Variants in CNTN3 observed in about 807,000 individuals in gnomAD.
The protein encoded by CNTN3 is contactin-3.
In CNTN3, 60 loss-of-function variants were observed where a neutral mutation model predicts 119.1. The observed-to-expected ratio is 0.50, with a 90% CI of 0.41 to 0.62. CNTN3 has a LOEUF of 0.62. Among genes scored for constraint, CNTN3 ranks in the 20% least tolerant of loss-of-function variants. The pLI is 0.00. For synonymous variants in CNTN3, 450 were observed against 438.7 expected (o/e 1.03, Z -0.32); for missense variants, 1,101 against 1,242.4 (o/e 0.89, Z 1.71).
chr3:74,266,623 A>G lies in CNTN3; in HGVS notation c.2844T>C (p.Asn948=), dbSNP rs147997730. The change falls in exon 22 of 23, where the codon AAT becomes AAC. Residue 948 remains asparagine, a synonymous_variant. Coordinates refer to ENST00000263665, the MANE Select transcript of CNTN3 (RefSeq NM_020872.3). ...TATTTGTGTTCAGTACTTGTACGTT[A>G]TTTTGACTGCTAGTCCTATAGAAAA... is the stretch of plus-strand genomic sequence containing the variant. ...YKVFYRTSSQ[N]NVQVLNTNKT... 51 of 1,613,366 alleles carry G rather than the reference A, an allele frequency of 3.2e-5. No homozygotes were observed. Among genetic ancestry groups the G allele is most frequent in the Non-Finnish European group, 4.2e-5 (49 of 1,179,476 alleles).
rs180969713 is a variant in CNTN3, at chr3:74,348,289, A to G, written c.1365-11631T>C. On this transcript the variant is annotated intron_variant, in intron 11 of 22. Transcript: ENST00000263665. Reference sequence around the variant, plus strand: ...CTTCACAATGTATACATATATCAAAATATTACCTTCTGCTCCTTAAATATA... The same window carrying G: ...CTTCACAATGTATACATATATCAAAGTATTACCTTCTGCTCCTTAAATATA... 5.4e-3 allele frequency among the ~76,000 whole-genome samples: 818 copies of G among 152,316 alleles called. 5 individuals are homozygous for G. Among genetic ancestry groups the G allele is most frequent in the African/African-American group, 0.019 (789 of 41,560 alleles).
intron 11 of CNTN3, among the ~76,000 whole-genome samples, chr3:74,358,604 T>TATTG (rs1170622672): frequency 6.7e-6 from 1 of 150,038 alleles, no homozygotes; most frequent in African/African-American, 2.5e-5. Context: ...TTGATTTATT[T>TATTG]ATTTATTTAT....
chr3:74,375,004 A>T (rs1704444533), intron 5 of CNTN3, among the ~76,000 whole-genome samples: 1 of 152,184 alleles, frequency 6.6e-6, no homozygotes, highest in Non-Finnish European at 1.5e-5. Flanking sequence ...AAGCCATTTT[A>T]AAAAATGGTT....
At chr3:74,533,066 G>A (rs549853455) in intron 1 of CNTN3, among the ~76,000 whole-genome samples, 44 of 151,996 alleles carry the variant, frequency 2.9e-4, no homozygotes, top group African/African-American at 4.1e-4. Flanking sequence ...CATCAGGCTC[G>A]TCTTGGAGGC....
intron 1 of CNTN3, among the ~76,000 whole-genome samples, chr3:74,579,509 A>T (rs1361518411): frequency 1.3e-5 from 2 of 152,124 alleles, no homozygotes; most frequent in African/African-American, 4.8e-5. Flanking sequence ...ACCAAGACAG[A>T]TCATGTTTTG....
chr3:74,374,819 T>C (rs943250879), intron 5 of CNTN3, among the ~76,000 whole-genome samples: 3 of 152,178 alleles, frequency 2.0e-5, no homozygotes, highest in African/African-American at 7.2e-5. Context: ...TTCTGCATCC[T>C]TCATTTAGGA....
At position 74,427,896 on chromosome 3, in the gene CNTN3, C is replaced by T. The variant is rs76919824; in HGVS notation, c.359-2956G>A. ...ATGAAAAAGAAAAAAAATGCAGAGG[C>T]ATAAATAAATGGAGACACATACTAT... is the stretch of plus-strand genomic sequence containing the variant. On this transcript the variant is annotated intron_variant, in intron 4 of 22. Transcript: ENST00000263665. 2.1e-3 allele frequency among the ~76,000 whole-genome samples: 323 copies of T among 152,076 alleles called. 1 individual carries two copies. Among genetic ancestry groups the T allele is most frequent in the African/African-American group, 7.4e-3 (307 of 41,492 alleles).
intron 2 of CNTN3, among the ~76,000 whole-genome samples, chr3:74,505,528 A>AC (rs1281330870): frequency 7.6e-6 from 1 of 131,768 alleles, no homozygotes; most frequent in African/African-American, 2.7e-5. Context: ...CACACACCAC[A>AC]CATACACACA....
At position 74,504,334 on chromosome 3, in the gene CNTN3, C is replaced by A. The variant is rs572169549; in HGVS notation, c.56-4549G>T. ...TAGAAAGGAATATTCCGTGCACTTA[C>A]AAGGCATCAATCCCAAACAGAATGA... On this transcript the variant is annotated intron_variant, in intron 2 of 22. Coordinates refer to ENST00000263665, the MANE Select transcript of CNTN3 (RefSeq NM_020872.3). 1.1e-4 allele frequency among the ~76,000 whole-genome samples: 16 copies of A among 152,242 alleles called. No individual in the cohort carries two copies. The South Asian group carries it at 3.3e-3, about 32-fold the overall frequency.
At chr3:74,435,884 C>A (rs1177084690) in intron 4 of CNTN3, among the ~76,000 whole-genome samples, 3 of 152,048 alleles carry the variant, frequency 2.0e-5, no homozygotes, top group African/African-American at 7.2e-5. Flanking sequence ...CGCTGGTCTC[C>A]CCGCCTGCAG....
intron 2 of CNTN3, among the ~76,000 whole-genome samples, chr3:74,520,746 A>G (rs1195910808): frequency 6.6e-6 from 1 of 150,840 alleles, no homozygotes; most frequent in East Asian, 1.9e-4. Flanking sequence ...GTTCCTTTGG[A>G]AAAAAAATGT....
chr3:74,302,841 T>A, intron 13 of CNTN3, 34 bp from the exon 14 acceptor site: 1 of 1,376,450 alleles, frequency 7.3e-7, no homozygotes. Context: ...TACACTGTTA[T>A]TTTTTTAAAA....
chr3:74,564,879 A>G (rs1704204447), intron 1 of CNTN3, among the ~76,000 whole-genome samples: 1 of 152,122 alleles, frequency 6.6e-6, no homozygotes, highest in African/African-American at 2.4e-5. Flanking sequence ...ACATCGTGGA[A>G]CAATGAAATG....
intron 1 of CNTN3, among the ~76,000 whole-genome samples, chr3:74,525,727 T>C (rs1378175129): frequency 6.6e-6 from 1 of 151,876 alleles, no homozygotes; most frequent in Non-Finnish European, 1.5e-5. Context: ...CCCCCAAATT[T>C]AATGCATATT....
Position 74,499,649 on chromosome 3 carries a change from T to C in CNTN3, c.182+10A>G, listed in dbSNP as rs1429811059. ...TTTTTTTATTTGAATTTTCAAACTT[T>C]TCACTGTACCTGTAATGAGGTGATG... is the stretch of plus-strand genomic sequence containing the variant. On this transcript the variant is annotated intron_variant, in intron 3 of 22. Transcript: ENST00000263665. 6.3e-7 allele frequency: 1 copy of C among 1,586,362 alleles called. No individual in the cohort carries two copies. Among genetic ancestry groups the C allele is most frequent in the South Asian group, 1.2e-5 (1 of 85,696 alleles).
At chr3:74,398,883 A>G (rs1163496671) in intron 5 of CNTN3, among the ~76,000 whole-genome samples, 2 of 152,132 alleles carry the variant, frequency 1.3e-5, no homozygotes, top group Admixed American at 1.3e-4. Context: ...ATTAAGAAAA[A>G]CTGTTTAATT....
chr3:74,547,373 C>T (rs1199099711), intron 1 of CNTN3, among the ~76,000 whole-genome samples: 1 of 152,130 alleles, frequency 6.6e-6, no homozygotes. Context: ...CGTCAGGTAA[C>T]ACACATACAC....
intron 3 of CNTN3, among the ~76,000 whole-genome samples, chr3:74,491,326 C>A (rs531547034): frequency 6.1e-5 from 8 of 130,134 alleles, no homozygotes; most frequent in African/African-American, 2.1e-4. Context: ...CACGGAGAAA[C>A]CATCTTTACA....
At chr3:74,588,945 A>G (rs1025447827) in intron 1 of CNTN3, among the ~76,000 whole-genome samples, 1 of 152,176 alleles carries the variant, frequency 6.6e-6, no homozygotes, top group Non-Finnish European at 1.5e-5. Flanking sequence ...CACCTTATAC[A>G]AAAACTAATT....
Sources: gnomAD v4.1 joint callset for allele counts (sites outside exome capture counted in the v4.1 genomes callset) on GRCh38, gnomAD v4.1.1 for gene constraint, MANE v1.5 for transcripts, NCBI Gene and HGNC (gene_info 2026-07-23, HGNC 2026-07-21) for gene names.